The following MEIKIN variants were observed in gnomAD, a reference collection of about 807,000 sequenced individuals.
MEIKIN encodes meiotic kinetochore factor.
chr5:131,884,546 T>C (rs543589554), intron 8 of MEIKIN, among the ~76,000 whole-genome samples: 3 of 151,852 alleles, frequency 2.0e-5, no homozygotes, highest in Non-Finnish European at 4.4e-5. Context: ...CCAGGTAGTA[T>C]ACCATGGCCC....
At chr5:131,858,332 G>A (rs1750231010) in intron 9 of MEIKIN, among the ~76,000 whole-genome samples, 1 of 152,174 alleles carries the variant, frequency 6.6e-6, no homozygotes, top group South Asian at 2.1e-4. Context: ...AACAAGCAAT[G>A]GGGAAAGGAC....
chr5:131,835,894 T>C (rs1320862887), intron 11 of MEIKIN, among the ~76,000 whole-genome samples: 1 of 152,034 alleles, frequency 6.6e-6, no homozygotes, highest in Non-Finnish European at 1.5e-5. Context: ...TGCCCAGCCA[T>C]GTCTGTCTTT....
chr5:131,808,377 T>C (rs1772887428), intron 12 of MEIKIN, among the ~76,000 whole-genome samples: 1 of 152,138 alleles, frequency 6.6e-6, no homozygotes, highest in African/African-American at 2.4e-5. Flanking sequence ...ACCTATATTC[T>C]CCCTCACCAT....
At chr5:131,843,042 C>T (rs1414163714) in intron 11 of MEIKIN, among the ~76,000 whole-genome samples, 3 of 152,232 alleles carry the variant, frequency 2.0e-5, no homozygotes, top group South Asian at 2.1e-4. Flanking sequence ...TGGAAGCCAC[C>T]AAGGTTTGGG....
chr5:131,869,495 G>C (rs1750448753), intron 9 of MEIKIN, among the ~76,000 whole-genome samples: 1 of 152,112 alleles, frequency 6.6e-6, no homozygotes, highest in Non-Finnish European at 1.5e-5. Flanking sequence ...TTTAGAACCA[G>C]TTTGTCTACC....
At chr5:131,889,562 G>A (rs1039393416) in intron 8 of MEIKIN, among the ~76,000 whole-genome samples, 8 of 152,186 alleles carry the variant, frequency 5.3e-5, no homozygotes, top group African/African-American at 1.9e-4. Context: ...CATTAATTTT[G>A]TATCTTGAGA....
chr5:131,879,909 G>A (rs1422972928), intron 8 of MEIKIN, among the ~76,000 whole-genome samples: 1 of 152,022 alleles, frequency 6.6e-6, no homozygotes, highest in African/African-American at 2.4e-5. Flanking sequence ...ATTTAAAATT[G>A]CATATTCAGC....
In MEIKIN at chr5:131,898,622, C is replaced by T. The variant is rs1319516119; in HGVS notation, c.703+13193G>A. Among the ~76,000 whole-genome samples, 8 of 152,364 alleles carry T rather than the reference C, an allele frequency of 5.3e-5. No homozygotes were observed. The East Asian group carries it at 1.2e-3, about 22-fold the overall frequency. On this transcript the variant is annotated intron_variant, in intron 8 of 12. Transcript: ENST00000442687. ...AGCCACTTTGTTTACCAACTCTAGC[C>T]TCAGCAATGGCGGAAGGCCCTCCCC...
intron 9 of MEIKIN, among the ~76,000 whole-genome samples, chr5:131,861,703 A>G (rs1750288294): frequency 1.3e-5 from 2 of 152,192 alleles, no homozygotes; most frequent in Admixed American, 1.3e-4. Context: ...CATCTATAAA[A>G]ATAATCATAT....
intron 8 of MEIKIN, among the ~76,000 whole-genome samples, chr5:131,885,341 AAGAGAGAGAGAGAGAG>A (rs57363906): frequency 8.1e-5 from 5 of 61,964 alleles, no homozygotes; most frequent in East Asian, 6.8e-4. Context: ...TCAGAACTGA[AAGAGAGAGAGAGAGAG>A]AGAGAGAGAG....
At chr5:131,818,946 T>C (rs1749422870) in intron 11 of MEIKIN, 83 bp from the exon 12 acceptor site, 2 of 389,752 alleles carry the variant, frequency 5.1e-6, no homozygotes, top group Non-Finnish European at 9.1e-6. Flanking sequence ...GCAACTAGTC[T>C]TAATATCTGT....
At chr5:131,897,442 G>C (rs1301773023) in intron 8 of MEIKIN, among the ~76,000 whole-genome samples, 1 of 152,166 alleles carries the variant, frequency 6.6e-6, no homozygotes, top group Non-Finnish European at 1.5e-5. Flanking sequence ...TGCCTTGCTA[G>C]GTTGGGGAAA....
At chr5:131,834,013 A>G (rs1270150298) in intron 11 of MEIKIN, among the ~76,000 whole-genome samples, 1 of 152,216 alleles carries the variant, frequency 6.6e-6, no homozygotes, top group African/African-American at 2.4e-5. Context: ...CCTAAGAAAT[A>G]AGTAAAAGTT....
chr5:131,871,492 C>A (rs4618421), intron 9 of MEIKIN, among the ~76,000 whole-genome samples: 96,380 of 152,094 alleles, frequency 0.63, 32,669 homozygotes, highest in Non-Finnish European at 0.77. Flanking sequence ...GTAAACAAAG[C>A]GGCTGGGAAG....
At chr5:131,929,637 T>G (rs976238623) in intron 5 of MEIKIN, among the ~76,000 whole-genome samples, 1 of 152,174 alleles carries the variant, frequency 6.6e-6, no homozygotes, top group Non-Finnish European at 1.5e-5. Context: ...GTCACCCAGA[T>G]AGTGAGCATA....
intron 3 of MEIKIN, among the ~76,000 whole-genome samples, chr5:131,943,651 G>A (rs1195797081): frequency 6.6e-6 from 1 of 152,004 alleles, no homozygotes; most frequent in African/African-American, 2.4e-5. Flanking sequence ...AAAAGGAACA[G>A]AAATATATAA....
At chr5:131,880,522 G>GT (rs2149629013) in intron 8 of MEIKIN, among the ~76,000 whole-genome samples, 1 of 152,214 alleles carries the variant, frequency 6.6e-6, no homozygotes, top group African/African-American at 2.4e-5. Context: ...GATTACAGGC[G>GT]TAAGCCATGA....
At chr5:131,905,753 C>A (rs1311926901) in intron 8 of MEIKIN, among the ~76,000 whole-genome samples, 3 of 152,020 alleles carry the variant, frequency 2.0e-5, no homozygotes, top group African/African-American at 7.2e-5. Flanking sequence ...AGATCTTTGA[C>A]AAATCTACCA....
intron 11 of MEIKIN, among the ~76,000 whole-genome samples, chr5:131,826,175 C>A (rs949323003): frequency 6.6e-6 from 1 of 151,076 alleles, no homozygotes; most frequent in African/African-American, 2.4e-5. Flanking sequence ...AATCCTCCCA[C>A]CTTGGCCTCC....
Sources: allele counts gnomAD v4.1 joint callset (sites outside exome capture counted in the v4.1 genomes callset), GRCh38; gene constraint gnomAD v4.1.1; transcripts MANE v1.5; gene names NCBI Gene and HGNC (gene_info 2026-07-23, HGNC 2026-07-21).